The following RPL11 variants were observed in gnomAD, a reference collection of about 807,000 sequenced individuals.
RPL11 encodes ribosomal protein L11.
Under a neutral mutation model 24.1 loss-of-function variants are expected in RPL11, and 3 were observed. The ratio of observed to expected loss-of-function variants is 0.12; its 90% CI spans 0.06 to 0.32. RPL11 has a LOEUF of 0.32. Among genes scored for constraint, RPL11 ranks in the 10% least tolerant of loss-of-function variants. The probability of loss-of-function intolerance (pLI) is 1.00; values close to 1 mark genes in which losing one functional copy is unlikely to be tolerated. For missense variants in RPL11, 146 were observed against 225.7 expected, an observed-to-expected ratio of 0.65 and a Z score of 2.26; for synonymous variants, 96 against 75.7, an observed-to-expected ratio of 1.27 and a Z score of -1.39.
At position 23,696,364 on chromosome 1, in the gene RPL11, T is replaced by C; in HGVS notation, c.528T>C (p.Pro176=). ...FQQKYDGIIL[P]GK ...TTCAGTATGATGGGATCATCCTTCC[T>C]GGCAAATAAATTCCCGTTTCTATCC... Residue 176 remains proline (P), a synonymous_variant, in exon 6 of 6, where the codon CCT becomes CCC. Transcript: ENST00000643754. The C allele has an allele frequency of 6.2e-7, 1 of 1,614,070 alleles. No homozygotes were observed. The highest frequency in any genetic ancestry group is 1.3e-5 in the African/African-American group (1 of 75,058).
At chr1:23,694,860 A>G in intron 4 of RPL11, 69 bp downstream of exon 4, 1 of 1,606,126 alleles carries the variant, frequency 6.2e-7, no homozygotes, top group Non-Finnish European at 8.5e-7. Context: ...CATATGTGGT[A>G]TGTTGGTGTT....
chr1:23,694,093 G>T (rs1035238603), intron 3 of RPL11, among the ~76,000 whole-genome samples, 180 bp downstream of exon 3: 1 of 152,158 alleles, frequency 6.6e-6, no homozygotes, highest in African/African-American at 2.4e-5. Context: ...AGATGCTTGA[G>T]GCTGGGCACG....
chr1:23,696,089 CCTT>C, intron 5 of RPL11, 181 bp downstream of exon 5: 1 of 761,890 alleles, frequency 1.3e-6, no homozygotes, highest in South Asian at 1.5e-5. Flanking sequence ...CAGAACTAGG[CCTT>C]CTCCCTGTCA....
At chr1:23,695,701 A>G in intron 4 of RPL11, 97 bp from the exon 5 acceptor site, 3 of 1,164,468 alleles carry the variant, frequency 2.6e-6, no homozygotes, top group Non-Finnish European at 3.8e-6. Context: ...TTGGGCTGCC[A>G]AGTGACTCTT....
At chr1:23,694,408 A>C (rs1570568028) in intron 3 of RPL11, among the ~76,000 whole-genome samples, 1 of 150,112 alleles carries the variant, frequency 6.7e-6, no homozygotes, top group Admixed American at 6.6e-5. Flanking sequence ...GATGCTTGGG[A>C]GTCATTTCAT....
chr1:23,692,512 G>A, intron 1 of RPL11, 97 bp from the exon 2 acceptor site: 1 of 1,498,824 alleles, frequency 6.7e-7, no homozygotes. Flanking sequence ...GTTACGATTT[G>A]GGATGAGCAG....
At chr1:23,695,363 C>A in intron 4 of RPL11, 2 of 281,976 alleles carry the variant, frequency 7.1e-6, no homozygotes, top group Non-Finnish European at 6.9e-6. Context: ...CTTGGATACT[C>A]ACAGGATGTT....
At chr1:23,692,476 A>G in intron 1 of RPL11, 133 bp from the exon 2 acceptor site, 1 of 1,164,256 alleles carries the variant, frequency 8.6e-7, no homozygotes, top group Non-Finnish European at 1.3e-6. Context: ...CCTAAACATT[A>G]TACCTTTTAA....
chr1:23,692,882 G>T, intron 2 of RPL11, 123 bp downstream of exon 2: 1 of 1,249,378 alleles, frequency 8.0e-7, no homozygotes, highest in Non-Finnish European at 1.1e-6. Context: ...TTAAATTCAT[G>T]AGCCGGCCAA....
Position 23,692,011 on chromosome 1 carries a change from A to G in RPL11, c.6+182A>G, listed in dbSNP as rs1375202411. ...GTTGAATTCTGTCACTTTCCCTGCC[A>G]TCGTTTTAGGAGCGGCTCCGGGCAC... On this transcript the variant is annotated intron_variant, in intron 1 of 5. Transcript: ENST00000643754. 7.1e-6 allele frequency: 6 copies of G among 843,508 alleles called. No individual in the cohort carries two copies. In the East Asian group the frequency reaches 1.3e-4, roughly 18 times the overall value. The allele number at this position is 843,508 out of a possible 1,614,324, so 52.3% of individuals were successfully genotyped here. A position where few individuals can be genotyped will look rare whatever the true frequency, so the allele number is the denominator to read the frequency against.
At chr1:23,694,925 T>G in intron 4 of RPL11, 134 bp downstream of exon 4, 2 of 1,369,786 alleles carry the variant, frequency 1.5e-6, no homozygotes, top group Non-Finnish European at 2.1e-6. Flanking sequence ...TCCTCCCCCT[T>G]GGGGAAATGT....
chr1:23,694,874 A>G, intron 4 of RPL11, 83 bp downstream of exon 4: 1 of 1,596,878 alleles, frequency 6.3e-7, no homozygotes, highest in South Asian at 1.1e-5. Context: ...TGGTGTTCAC[A>G]TGTTGAGTTG....
At chr1:23,695,261 A>T (rs959953650) in intron 4 of RPL11, 5 of 288,566 alleles carry the variant, frequency 1.7e-5, no homozygotes, top group African/African-American at 1.1e-4. Context: ...GTTTTGGTCC[A>T]ACAATAAAAC....
chr1:23,694,686 C>A lies in RPL11; in HGVS notation c.291C>A (p.Asn97Lys). 1 of 1,614,012 alleles carries A rather than the reference C, an allele frequency of 6.2e-7. No homozygotes were observed. The change falls in exon 4 of 6, where the codon AAC (asparagine) becomes AAA (lysine). Residue 97 changes from asparagine (N) to lysine (K), a missense_variant. Asn to Lys is a moderately conservative substitution (Grantham distance 94). Transcript: ENST00000643754. Reference protein sequence around the residue: ...LKVREYELRKNNFSDTGNFGF... With the variant: ...LKVREYELRKKNFSDTGNFGF... Reference sequence around the variant, plus strand: ...TGCGGGAGTATGAGTTAAGAAAAAACAACTTCTCAGATACTGGAAACTTTG... The same window carrying A: ...TGCGGGAGTATGAGTTAAGAAAAAAAAACTTCTCAGATACTGGAAACTTTG...
Position 23,694,697 on chromosome 1 carries a change from A to G in RPL11, c.302A>G (p.Asp101Gly), listed in dbSNP as rs779597775. 3.1e-6 allele frequency: 5 copies of G among 1,614,090 alleles called. 1 individual carries two copies. In the South Asian group the frequency reaches 5.5e-5, roughly 18 times the overall value. Residue 101 changes from aspartate (D) to glycine (G), a missense_variant, in exon 4 of 6, where the codon GAT becomes GGT. Coordinates refer to ENST00000643754, the MANE Select transcript of RPL11 (RefSeq NM_000975.5). ...GAGTTAAGAAAAAACAACTTCTCAG[A>G]TACTGGAAACTTTGGTTTTGGGATC... ...EYELRKNNFS[D>G]TGNFGFGIQE...
At chr1:23,695,622 C>A in intron 4 of RPL11, 176 bp from the exon 5 acceptor site, 1 of 670,732 alleles carries the variant, frequency 1.5e-6, no homozygotes. Flanking sequence ...TACAGTATGG[C>A]TGTGTGTTGC....
Position 23,693,826 on chromosome 1 carries a change from C to A in RPL11, c.177C>A (p.Ser59=), listed in dbSNP as rs761124289. 6.2e-7 allele frequency: 1 copy of A among 1,614,058 alleles called. No individual in the cohort carries two copies. The highest frequency in any genetic ancestry group is 2.2e-5 in the East Asian group (1 of 44,876). Residue 59 remains serine, a synonymous_variant, in exon 3 of 6, where the codon TCC becomes TCA. Coordinates refer to ENST00000643754, the MANE Select transcript of RPL11 (RefSeq NM_000975.5). ...CTGCAGCTAGATACACTGTCAGATC[C>A]TTTGGCATCCGGAGAAATGAAAAGA... is the stretch of plus-strand genomic sequence containing the variant. ...VFSKARYTVR[S]FGIRRNEKIA...
chr1:23,692,560 C>G (rs963334312), intron 1 of RPL11, 49 bp from the exon 2 acceptor site: 2 of 1,612,522 alleles, frequency 1.2e-6, no homozygotes, highest in Admixed American at 1.7e-5. Flanking sequence ...TAGTAAAACT[C>G]AGGGCCCTCA....
At chr1:23,696,002 G>A in intron 5 of RPL11, 94 bp downstream of exon 5, 1 of 1,214,732 alleles carries the variant, frequency 8.2e-7, no homozygotes, top group Non-Finnish European at 1.2e-6. Context: ...TATTTGCTGG[G>A]TATCTTCTTT....
Sources: allele counts gnomAD v4.1 joint callset (sites outside exome capture counted in the v4.1 genomes callset), GRCh38; gene constraint gnomAD v4.1.1; transcripts MANE v1.5; gene names NCBI Gene and HGNC (gene_info 2026-07-23, HGNC 2026-07-21).